Variants in ZKSCAN7 observed in about 807,000 individuals in gnomAD.
ZKSCAN7 encodes zinc finger protein with KRAB and SCAN domains 7.
A neutral mutation model predicts 65.3 loss-of-function variants in ZKSCAN7; 38 were observed. The observed-to-expected ratio is 0.58, with a 90% CI of 0.45 to 0.76. ZKSCAN7 has a LOEUF of 0.76. ZKSCAN7 is among the 30% of genes least tolerant of loss of function. ZKSCAN7 has a pLI of 0.00. For missense variants in ZKSCAN7, 815 were observed against 913.3 expected, an observed-to-expected ratio of 0.89 and a Z score of 1.39; for synonymous variants, 321 against 321.0, an observed-to-expected ratio of 1.00 and a Z score of 0.00.
intron 2 of ZKSCAN7, among the ~76,000 whole-genome samples, chr3:44,562,901 C>T (rs377624249): frequency 4.0e-5 from 6 of 151,720 alleles, no homozygotes; most frequent in African/African-American, 7.3e-5. Context: ...ACCTGGGAGG[C>T]GGAGCTTGCA....
In ZKSCAN7 at chr3:44,571,205, G is replaced by C. The variant is rs778909263; in HGVS notation, c.2095G>C (p.Ala699Pro). 2 of 1,614,202 alleles carry C rather than the reference G, an allele frequency of 1.2e-6. No individual in the cohort carries two copies. The highest frequency in any genetic ancestry group is 4.5e-5 in the East Asian group (2 of 44,888). ...CTATAAATGCAATGATTGTGGGAAA[G>C]CTTTTAGTGACAGCTCACAGCTTAT... ...KPYKCNDCGKAFSDSSQLIVH... is the reference protein window; with the variant it reads ...KPYKCNDCGKPFSDSSQLIVH... The change falls in exon 6 of 6, where the codon GCT becomes CCT. Residue 699 changes from alanine (A) to proline (P), a missense_variant. This residue lies in a region of ZKSCAN7 where 578 missense variants were observed against 629.5 expected (regional missense o/e 0.92). Coordinates refer to ENST00000426540, the MANE Select transcript of ZKSCAN7 (RefSeq NM_001288590.2).
chr3:44,568,091 T>C lies in ZKSCAN7; in HGVS notation c.684+88T>C, dbSNP rs184667069. ...GTCTCACCCCCAGGACTCTGCCCCA[T>C]CTAAGACTATTCCTGTGGCTCTCCT... is the stretch of plus-strand genomic sequence containing the variant. On this transcript the variant is annotated intron_variant, in intron 4 of 5. Transcript: ENST00000426540. 1.0e-3 allele frequency: 1,386 copies of C among 1,376,946 alleles called. 13 individuals are homozygous for C. The African/African-American group carries it at 0.017, about 17-fold the overall frequency. The allele number at this position is 1,376,946 out of a possible 1,614,324, so 85.3% of individuals were successfully genotyped here.
At chr3:44,565,383 C>G (rs1270480439) in intron 2 of ZKSCAN7, 104 bp from the exon 3 acceptor site, 1 of 1,227,248 alleles carries the variant, frequency 8.1e-7, no homozygotes, top group East Asian at 2.7e-5. Flanking sequence ...CACCCTGGCT[C>G]TTCTTTTCCC....
Position 44,570,551 on chromosome 3 carries a change from C to A in ZKSCAN7, c.1441C>A (p.Arg481=). 6.2e-7 allele frequency: 1 copy of A among 1,612,372 alleles called. No individual in the cohort carries two copies. The highest frequency in any genetic ancestry group is 1.1e-5 in the South Asian group (1 of 90,974). ...ECAKAFTQSS[R]LTDHQRTHTG... ...TGCAAAAGCCTTTACTCAGAGTTCC[C>A]GACTCACTGACCACCAGAGAACCCA... Residue 481 remains arginine (R), a synonymous_variant, in exon 6 of 6, where the codon CGA becomes AGA. Coordinates refer to ENST00000426540, the MANE Select transcript of ZKSCAN7 (RefSeq NM_001288590.2).
At chr3:44,564,322 G>C (rs1206995823) in intron 2 of ZKSCAN7, among the ~76,000 whole-genome samples, 1 of 152,198 alleles carries the variant, frequency 6.6e-6, no homozygotes, top group Admixed American at 6.5e-5. Flanking sequence ...GGGAGAAGTA[G>C]TACATATTGA....
chr3:44,560,759 C>T (rs1373132817), intron 2 of ZKSCAN7, among the ~76,000 whole-genome samples: 2 of 152,178 alleles, frequency 1.3e-5, no homozygotes, highest in Non-Finnish European at 1.5e-5. Context: ...CCTCCCGCCT[C>T]GTTCTCCCAA....
intron 4 of ZKSCAN7, 75 bp from the exon 5 acceptor site, chr3:44,568,232 G>C: frequency 6.4e-7 from 1 of 1,574,768 alleles, no homozygotes; most frequent in African/African-American, 1.4e-5. Flanking sequence ...CCCATACCCT[G>C]TGCCCTTCGT....
intron 5 of ZKSCAN7, chr3:44,581,117 G>A (rs1700072630): frequency 5.0e-6 from 5 of 993,306 alleles, no homozygotes; most frequent in Admixed American, 6.2e-5. Flanking sequence ...CGCATCCCTC[G>A]CCGGCCCTGC....
chr3:44,579,847 C>A, intron 5 of ZKSCAN7: 1 of 1,611,106 alleles, frequency 6.2e-7, no homozygotes. Flanking sequence ...CCTCATACTG[C>A]TTAGTCAGCC....
At chr3:44,558,538 A>G (rs1699366250) in intron 2 of ZKSCAN7, among the ~76,000 whole-genome samples, 1 of 151,130 alleles carries the variant, frequency 6.6e-6, no homozygotes, top group Non-Finnish European at 1.5e-5. Context: ...AAAAAAAAAA[A>G]AGAAAAGAAA....
intron 5 of ZKSCAN7, chr3:44,578,325 C>A (rs574490245): frequency 6.3e-7 from 1 of 1,597,252 alleles, no homozygotes. Flanking sequence ...CGCAATAAGA[C>A]TTCTAGTTCA....
At chr3:44,579,801 C>T (rs962539090) in intron 5 of ZKSCAN7, 30 of 1,613,084 alleles carry the variant, frequency 1.9e-5, no homozygotes, top group South Asian at 5.5e-5. Context: ...AGGCTTTGAT[C>T]GGCGAGGACA....
downstream of ZKSCAN7, among the ~76,000 whole-genome samples, chr3:44,574,514 G>A (rs1047555506): frequency 1.3e-5 from 2 of 152,190 alleles, no homozygotes; most frequent in African/African-American, 4.8e-5. Flanking sequence ...CAGGAGGGAT[G>A]TTTTTAGTAT....
intron 2 of ZKSCAN7, among the ~76,000 whole-genome samples, chr3:44,565,000 G>A (rs889132083): frequency 2.5e-4 from 38 of 151,942 alleles, no homozygotes; most frequent in Non-Finnish European, 3.8e-4. Flanking sequence ...ACAGGATTTC[G>A]CCATGTTGGC....
intron 2 of ZKSCAN7, among the ~76,000 whole-genome samples, chr3:44,558,713 TTCC>T (rs1273402999): frequency 2.7e-5 from 4 of 150,524 alleles, no homozygotes; most frequent in Admixed American, 1.3e-4. Flanking sequence ...TTTCTTCTTT[TTCC>T]TCCTCCTCCT....
intron 3 of ZKSCAN7, among the ~76,000 whole-genome samples, chr3:44,566,207 C>T (rs2125717398): frequency 6.6e-6 from 1 of 152,242 alleles, no homozygotes; most frequent in South Asian, 2.1e-4. Flanking sequence ...AACAAAGACC[C>T]TAAGCTGGAG....
At chr3:44,558,852 T>G in intron 2 of ZKSCAN7, among the ~76,000 whole-genome samples, 1 of 142,092 alleles carries the variant, frequency 7.0e-6, no homozygotes, top group South Asian at 2.3e-4. Flanking sequence ...TGAACATGGC[T>G]CACTGCAAGC....
In ZKSCAN7 at chr3:44,565,543, T is replaced by C; in HGVS notation, c.480T>C (p.Gly160=). Residue 160 remains glycine (G), a synonymous_variant, in exon 3 of 6, where the codon GGT becomes GGC. Transcript: ENST00000426540. ...ATTTTGAGGAGACAACAGCTCTGGG[T>C]ACAACAAAGGAATCTCCTCCTACCT... ...EMHFEETTAL[G]TTKESPPTSP... The C allele has an allele frequency of 6.2e-7, 1 of 1,612,894 alleles. No individual in the cohort carries two copies. Among genetic ancestry groups the C allele is most frequent in the Admixed American group, 1.7e-5 (1 of 59,774 alleles).
intron 5 of ZKSCAN7, among the ~76,000 whole-genome samples, chr3:44,581,260 C>T (rs943426806): frequency 7.4e-5 from 11 of 148,736 alleles, no homozygotes; most frequent in African/African-American, 2.4e-4. Flanking sequence ...CGCCGTGGGC[C>T]CAAGGACGCG....
Sources: allele counts gnomAD v4.1 joint callset (sites outside exome capture counted in the v4.1 genomes callset), GRCh38; gene constraint gnomAD v4.1.1; regional missense constraint gnomAD v4.1.1; transcripts MANE v1.5; gene names NCBI Gene and HGNC (gene_info 2026-07-23, HGNC 2026-07-21).